The following TMEM102 variants were observed in gnomAD, a reference collection of about 807,000 sequenced individuals.
TMEM102 encodes the protein transmembrane protein 102, also known as DANGER family member 2B.
Under a neutral mutation model 26.8 loss-of-function variants are expected in TMEM102, and 28 were observed. That is an observed-to-expected ratio of 1.05 (90% CI 0.77 to 1.43). TMEM102 has a LOEUF of 1.43. Among genes scored for constraint, TMEM102 ranks in the 40% most tolerant of loss-of-function variants. The probability of loss-of-function intolerance (pLI) is 0.00; values close to 1 mark genes in which losing one functional copy is unlikely to be tolerated. For synonymous variants in TMEM102, 306 were observed against 332.1 expected (o/e 0.92, Z 0.86); for missense variants, 677 against 705.6 (o/e 0.96, Z 0.46).
rs1050588117 is a variant in TMEM102, at chr17:7,435,610, C to G, written c.-106C>G. 1.2e-5 allele frequency: 5 copies of G among 433,980 alleles called. No homozygotes were observed. In the Admixed American group the frequency reaches 1.2e-4, roughly 10 times the overall value. 26.9% of individuals were successfully genotyped at this position (433,980 alleles called of 1,614,324 possible). A position where few individuals can be genotyped will look rare whatever the true frequency, so the allele number is the denominator to read the frequency against. The stretch of plus-strand genomic sequence containing the variant: ...GGCTACTGCATTCCGTAGGAGGAGC[C>G]AACAGTTACTTTTTACCTGCTGAGT... On this transcript the variant is annotated 5_prime_UTR_variant, in exon 1 of 3. Transcript: ENST00000323206.
chr17:7,437,188 G>T lies in TMEM102; in HGVS notation c.1209G>T (p.Ala403=). 1.3e-6 allele frequency: 2 copies of T among 1,494,722 alleles called. No homozygotes were observed. Among genetic ancestry groups the T allele is most frequent in the East Asian group, 2.8e-5 (1 of 35,996 alleles). The allele number at this position is 1,494,722 out of a possible 1,614,324, so 92.6% of individuals were successfully genotyped here. A position where few individuals can be genotyped will look rare whatever the true frequency, so the allele number is the denominator to read the frequency against. ...CGCTGGTGGCCGGGACCCGGGCGGC[G>T]GCGCCCTACCTCCTGCGGACGCTGC... ...LRPLVAGTRA[A]APYLLRTLLY... The change falls in exon 3 of 3, where the codon GCG becomes GCT. Residue 403 remains alanine, a synonymous_variant. Transcript: ENST00000323206. This position sits in a 1 kb window ranked among gnomAD's most constrained non-coding sequence, Gnocchi z 4.2.
Position 7,436,415 on chromosome 17 carries a change from C to G in TMEM102, c.436C>G (p.Leu146Val). ...DLESCYAQVCLPEMVCGTPIR... is the reference protein window; with the variant it reads ...DLESCYAQVCVPEMVCGTPIR... Reference sequence around the variant, plus strand: ...GGAATCCTGTTACGCACAGGTCTGCCTCCCAGAGATGGTGTGCGGAACCCC... The same window carrying G: ...GGAATCCTGTTACGCACAGGTCTGCGTCCCAGAGATGGTGTGCGGAACCCC... The change falls in exon 3 of 3, where the codon CTC becomes GTC. Residue 146 changes from leucine to valine, a missense_variant. Transcript: ENST00000323206. 6.2e-7 allele frequency: 1 copy of G among 1,613,912 alleles called. No homozygotes were observed.
At position 7,437,486 on chromosome 17, in the gene TMEM102, G is replaced by A. The variant is rs1597740251; in HGVS notation, c.1507G>A (p.Val503Met). The part of the protein sequence containing the change: ...VARKGGGLAG[V>M]GGGAH ...CCGCAAGGGGGGCGGTTTGGCGGGCGTGGGGGGCGGGGCCCATTAAAGACG... is the reference window on the plus strand; with the variant it reads ...CCGCAAGGGGGGCGGTTTGGCGGGCATGGGGGGCGGGGCCCATTAAAGACG... The change falls in exon 3 of 3, where the codon GTG (valine) becomes ATG (methionine). Residue 503 changes from valine (V) to methionine (M), a missense_variant. Physicochemically the swap from Val to Met is conservative, Grantham distance 21. Transcript: ENST00000323206. This position sits in a 1 kb window ranked among gnomAD's most constrained non-coding sequence, Gnocchi z 4.2. 2 of 1,394,980 alleles carry A rather than the reference G, an allele frequency of 1.4e-6. No homozygotes were observed. Among genetic ancestry groups the A allele is most frequent in the Admixed American group, 3.4e-5 (1 of 29,746 alleles). The allele number at this position is 1,394,980 out of a possible 1,614,324, so 86.4% of individuals were successfully genotyped here.
chr17:7,437,535 C>T lies in TMEM102; in HGVS notation c.*29C>T, dbSNP rs1305997351. 1 of 1,320,518 alleles carries T rather than the reference C, an allele frequency of 7.6e-7. No homozygotes were observed. Among genetic ancestry groups the T allele is most frequent in the Admixed American group, 4.0e-5 (1 of 25,110 alleles). 81.8% of individuals were successfully genotyped at this position (1,320,518 alleles called of 1,614,324 possible). A position where few individuals can be genotyped will look rare whatever the true frequency, so the allele number is the denominator to read the frequency against. On this transcript the variant is annotated 3_prime_UTR_variant, in exon 3 of 3. Coordinates refer to ENST00000323206, the MANE Select transcript of TMEM102 (RefSeq NM_178518.3). This position sits in a 1 kb window ranked among gnomAD's most constrained non-coding sequence, Gnocchi z 4.2. The stretch of plus-strand genomic sequence containing the variant: ...CGCTGTTCCTACCAGTGGAAAGTGC[C>T]TCTGTGGGCGAGCGGGACGTGGGGG...
intron 2 of TMEM102, 32 bp from the exon 3 acceptor site, chr17:7,436,162 C>G (rs746757026): frequency 6.2e-7 from 1 of 1,601,336 alleles, no homozygotes. Flanking sequence ...CGGCTTTGGG[C>G]GACGCCCTCA....
chr17:7,436,783 C>T lies in TMEM102; in HGVS notation c.804C>T (p.Ala268=), dbSNP rs771774177. 1.2e-6 allele frequency: 2 copies of T among 1,613,802 alleles called. No homozygotes were observed. The highest frequency in any genetic ancestry group is 1.7e-6 in the Non-Finnish European group (2 of 1,180,044). ...WPTLCSAQVA[A]WFFATLAAVA... ...CATTATGTTCCGCCCAGGTGGCTGC[C>T]TGGTTCTTTGCTACGCTGGCGGCGG... The change falls in exon 3 of 3, where the codon GCC becomes GCT. Residue 268 remains alanine (A), a synonymous_variant. Coordinates refer to ENST00000323206, the MANE Select transcript of TMEM102 (RefSeq NM_178518.3).
Position 7,436,281 on chromosome 17 carries a change from T to A in TMEM102, c.302T>A (p.Leu101Gln). The change falls in exon 3 of 3, where the codon CTG becomes CAG. Residue 101 changes from leucine to glutamine, a missense_variant. Leu to Gln is a moderately radical substitution (Grantham distance 113). Coordinates refer to ENST00000323206, the MANE Select transcript of TMEM102 (RefSeq NM_178518.3). Reference protein sequence around the residue: ...RGGIREGSLDLGHAPLGPYAR... With the variant: ...RGGIREGSLDQGHAPLGPYAR... ...GGGATTCGCGAGGGCTCCCTGGATC[T>A]GGGGCATGCACCCCTGGGTCCCTAC... The A allele has an allele frequency of 6.2e-7, 1 of 1,613,758 alleles. No individual in the cohort carries two copies. Among genetic ancestry groups the A allele is most frequent in the Non-Finnish European group, 8.5e-7 (1 of 1,180,022 alleles).
Position 7,435,890 on chromosome 17 carries a change from G to T in TMEM102, c.19G>T (p.Gly7Trp). The T allele has an allele frequency of 6.2e-7, 1 of 1,607,990 alleles. No homozygotes were observed. The highest frequency in any genetic ancestry group is 8.5e-7 in the Non-Finnish European group (1 of 1,177,588). MASAVW[G>W]SAPWWGPPPP... ...GAACCGCATGGCTTCCGCAGTCTGG[G>T]GGAGTGCCCCCTGGTGGGGCCCGCC... Residue 7 changes from glycine (G) to tryptophan (W), a missense_variant, in exon 2 of 3, where the codon GGG becomes TGG. Physicochemically the swap from Gly to Trp is radical, Grantham distance 184. Coordinates refer to ENST00000323206, the MANE Select transcript of TMEM102 (RefSeq NM_178518.3).
Position 7,437,174 on chromosome 17 carries a change from G to T in TMEM102, c.1195G>T (p.Gly399Trp). ...AQALLRPLVA[G>W]TRAAAPYLLR... Reference sequence around the variant, plus strand: ...GGCGCTACTGCGCCCGCTGGTGGCCGGGACCCGGGCGGCGGCGCCCTACCT... The same window carrying T: ...GGCGCTACTGCGCCCGCTGGTGGCCTGGACCCGGGCGGCGGCGCCCTACCT... The change falls in exon 3 of 3, where the codon GGG (glycine) becomes TGG (tryptophan). Residue 399 changes from glycine (G) to tryptophan (W), a missense_variant. Gly to Trp is a radical substitution (Grantham distance 184). Coordinates refer to ENST00000323206, the MANE Select transcript of TMEM102 (RefSeq NM_178518.3). This position sits in a 1 kb window ranked among gnomAD's most constrained non-coding sequence, Gnocchi z 4.2. 1 of 1,487,860 alleles carries T rather than the reference G, an allele frequency of 6.7e-7. No individual in the cohort carries two copies. The highest frequency in any genetic ancestry group is 2.8e-5 in the East Asian group (1 of 35,934). The allele number at this position is 1,487,860 out of a possible 1,614,324, so 92.2% of individuals were successfully genotyped here. A position where few individuals can be genotyped will look rare whatever the true frequency, so the allele number is the denominator to read the frequency against.
In TMEM102 at chr17:7,436,648, C is replaced by A; in HGVS notation, c.669C>A (p.Val223=). 6.2e-7 allele frequency: 1 copy of A among 1,613,894 alleles called. No individual in the cohort carries two copies. Among genetic ancestry groups the A allele is most frequent in the Non-Finnish European group, 8.5e-7 (1 of 1,180,040 alleles). The change falls in exon 3 of 3, where the codon GTC becomes GTA. Residue 223 remains valine, a synonymous_variant. Transcript: ENST00000323206. The stretch of plus-strand genomic sequence containing the variant: ...CGTCCGAGTCGCCTCAGCATGACGT[C>A]GTCGACCTTGGCTCTACCGCACCTT... ...VSASESPQHD[V]VDLGSTAPLK...
rs1236697513 is a variant in TMEM102 at position 7,435,473 on chromosome 17, T to C, written c.-243T>C. On this transcript the variant is annotated 5_prime_UTR_variant, in exon 1 of 3. Coordinates refer to ENST00000323206, the MANE Select transcript of TMEM102 (RefSeq NM_178518.3). ...CATCAGGAAGAAGTAACCTGTTGAA[T>C]CTATTTCTGCTCCCCACCCTTACTG... 1 of 171,066 alleles carries C rather than the reference T, an allele frequency of 5.8e-6. No homozygotes were observed. Among genetic ancestry groups the C allele is most frequent in the Non-Finnish European group, 1.2e-5 (1 of 80,902 alleles). 10.6% of individuals were successfully genotyped at this position (171,066 alleles called of 1,614,324 possible).
Position 7,436,085 on chromosome 17 carries a change from G to A in TMEM102, c.214G>A (p.Gly72Ser), listed in dbSNP as rs768661876. ...RAKDFVFSLL[G>S]LVHRRDPRFP... ...CAAGGACTTTGTCTTCTCTTTGCTT[G>A]GTAAGTAACCCTACTTGCCTTTGGG... The change falls in exon 2 of 3, where the codon GGT becomes AGT. Residue 72 changes from glycine to serine, a missense_variant and splice_region_variant. Gly to Ser is a moderately conservative substitution (Grantham distance 56, BLOSUM62 0). Transcript: ENST00000323206. 6.2e-7 allele frequency: 1 copy of A among 1,613,456 alleles called. No individual in the cohort carries two copies. The highest frequency in any genetic ancestry group is 8.5e-7 in the Non-Finnish European group (1 of 1,179,788).
rs775635413 is a variant in TMEM102, at chr17:7,436,276, G to A, written c.297G>A (p.Leu99=). ...GTGGTGGGATTCGCGAGGGCTCCCTGGATCTGGGGCATGCACCCCTGGGTC... is the reference window on the plus strand; with the variant it reads ...GTGGTGGGATTCGCGAGGGCTCCCTAGATCTGGGGCATGCACCCCTGGGTC... ...LLRGGIREGS[L]DLGHAPLGPY... is the part of the protein sequence containing the mutation. The change falls in exon 3 of 3, where the codon CTG becomes CTA. Residue 99 remains leucine (L), a synonymous_variant. Coordinates refer to ENST00000323206, the MANE Select transcript of TMEM102 (RefSeq NM_178518.3). 34 of 1,613,714 alleles carry A rather than the reference G, an allele frequency of 2.1e-5. No homozygotes were observed. In the South Asian group the frequency reaches 3.7e-4, roughly 18 times the overall value.
chr17:7,435,506 T>G lies in TMEM102; in HGVS notation c.-210T>G. The G allele has an allele frequency of 4.9e-6, 1 of 202,742 alleles. No homozygotes were observed. Among genetic ancestry groups the G allele is most frequent in the Admixed American group, 5.6e-5 (1 of 17,756 alleles). 12.6% of individuals were successfully genotyped at this position (202,742 alleles called of 1,614,324 possible). ...TGCTCCCCACCCTTACTGCTTCCCATAAGGGGGAAGCCGCAGACTAATAAG... is the reference window on the plus strand; with the variant it reads ...TGCTCCCCACCCTTACTGCTTCCCAGAAGGGGGAAGCCGCAGACTAATAAG... On this transcript the variant is annotated 5_prime_UTR_variant, in exon 1 of 3. Coordinates refer to ENST00000323206, the MANE Select transcript of TMEM102 (RefSeq NM_178518.3).
Position 7,436,681 on chromosome 17 carries a change from A to C in TMEM102, c.702A>C (p.Thr234=). 6.2e-7 allele frequency: 1 copy of C among 1,613,812 alleles called. No homozygotes were observed. Among genetic ancestry groups the C allele is most frequent in the Non-Finnish European group, 8.5e-7 (1 of 1,180,042 alleles). Residue 234 remains threonine, a synonymous_variant, in exon 3 of 3, where the codon ACA becomes ACC. Transcript: ENST00000323206. ...TTGGCTCTACCGCACCTTTGAAAAC[A>C]ATGAGTAGTGACGTCACCAAGGCAG... is the stretch of plus-strand genomic sequence containing the variant. ...VDLGSTAPLK[T]MSSDVTKAAV...
chr17:7,437,493 G>C lies in TMEM102; in HGVS notation c.1514G>C (p.Gly505Ala). 7.2e-7 allele frequency: 1 copy of C among 1,390,480 alleles called. No homozygotes were observed. Among genetic ancestry groups the C allele is most frequent in the Non-Finnish European group, 9.3e-7 (1 of 1,075,082 alleles). 86.1% of individuals were successfully genotyped at this position (1,390,480 alleles called of 1,614,324 possible). A position where few individuals can be genotyped will look rare whatever the true frequency, so the allele number is the denominator to read the frequency against. The change falls in exon 3 of 3, where the codon GGC becomes GCC. Residue 505 changes from glycine to alanine, a missense_variant. Physicochemically the swap from Gly to Ala is moderately conservative, Grantham distance 60. Transcript: ENST00000323206. The surrounding 1 kb of genome is among the most constrained non-coding windows in gnomAD (Gnocchi z 4.2). ...RKGGGLAGVG[G>A]GAH ...GGGGGCGGTTTGGCGGGCGTGGGGG[G>C]CGGGGCCCATTAAAGACGCTGTTCC...
rs1908070221 is a variant in TMEM102, at chr17:7,437,180, C to T, written c.1201C>T (p.Arg401Trp). ...ALLRPLVAGT[R>W]AAAPYLLRTL... ...ACTGCGCCCGCTGGTGGCCGGGACCCGGGCGGCGGCGCCCTACCTCCTGCG... is the reference window on the plus strand; with the variant it reads ...ACTGCGCCCGCTGGTGGCCGGGACCTGGGCGGCGGCGCCCTACCTCCTGCG... Residue 401 changes from arginine to tryptophan, a missense_variant, in exon 3 of 3, where the codon CGG becomes TGG. Transcript: ENST00000323206. This position sits in a 1 kb window ranked among gnomAD's most constrained non-coding sequence, Gnocchi z 4.2. 3.4e-6 allele frequency: 5 copies of T among 1,491,518 alleles called. No individual in the cohort carries two copies. Among genetic ancestry groups the T allele is most frequent in the Middle Eastern group, 2.2e-4 (1 of 4,526 alleles). 92.4% of individuals were successfully genotyped at this position (1,491,518 alleles called of 1,614,324 possible).
chr17:7,436,382 C>T lies in TMEM102; in HGVS notation c.403C>T (p.Leu135=). ...MFSLDGTELQ[L]DLESCYAQVC... Reference sequence around the variant, plus strand: ...TTCACTGGACGGCACTGAACTGCAACTGGACCTGGAATCCTGTTACGCACA... The same window carrying T: ...TTCACTGGACGGCACTGAACTGCAATTGGACCTGGAATCCTGTTACGCACA... The change falls in exon 3 of 3, where the codon CTG becomes TTG. Residue 135 remains leucine (L), a synonymous_variant. Coordinates refer to ENST00000323206, the MANE Select transcript of TMEM102 (RefSeq NM_178518.3). 1.2e-6 allele frequency: 2 copies of T among 1,613,886 alleles called. No homozygotes were observed. Among genetic ancestry groups the T allele is most frequent in the Middle Eastern group, 1.6e-4 (1 of 6,062 alleles).
In TMEM102 at chr17:7,437,120, C is replaced by T. The variant is rs914226214; in HGVS notation, c.1141C>T (p.Pro381Ser). 5.5e-6 allele frequency: 8 copies of T among 1,467,278 alleles called. No homozygotes were observed. Among genetic ancestry groups the T allele is most frequent in the Admixed American group, 5.6e-5 (2 of 35,996 alleles). 90.9% of individuals were successfully genotyped at this position (1,467,278 alleles called of 1,614,324 possible). ...GGCGCTCAAAGCGCGCATACCAGCG[C>T]CGCTGCTGCAGGCGCACGCGGCGGC... ...ELALKARIPA[P>S]LLQAHAAAQA... Residue 381 changes from proline (P) to serine (S), a missense_variant, in exon 3 of 3, where the codon CCG becomes TCG. Coordinates refer to ENST00000323206, the MANE Select transcript of TMEM102 (RefSeq NM_178518.3). The surrounding 1 kb of genome is among the most constrained non-coding windows in gnomAD (Gnocchi z 4.2).
Sources: gnomAD v4.1 joint callset for allele counts on GRCh38, gnomAD v4.1.1 for gene constraint, Gnocchi (gnomAD v3.1) non-coding constraint, MANE v1.5 for transcripts, NCBI Gene and HGNC (gene_info 2026-07-23, HGNC 2026-07-21) for gene names.